GABRB1: variants seen among roughly 807,000 people sequenced by gnomAD.
The protein encoded by GABRB1 is gamma-aminobutyric acid type A receptor subunit beta1.
GABRB1 carries 17 observed loss-of-function variants against 51.6 expected under a neutral mutation model. The observed-to-expected ratio is 0.33, with a 90% CI of 0.23 to 0.49. The LOEUF is 0.49. Ranked by LOEUF, GABRB1 falls within the 20% of genes least tolerant of loss-of-function variation. The pLI is 0.99. For synonymous variants in GABRB1, 247 were observed against 218.9 expected (o/e 1.13, Z -1.14); for missense variants, 410 against 600.6 (o/e 0.68, Z 3.32).
intron 5 of GABRB1, among the ~76,000 whole-genome samples, chr4:47,383,038 A>G (rs1727648627): frequency 6.6e-6 from 1 of 152,236 alleles, no homozygotes. Context: ...GAATGAGTGC[A>G]GATAAGCTAT....
chr4:47,310,443 A>G (rs1471796401), intron 4 of GABRB1, among the ~76,000 whole-genome samples: 2 of 152,246 alleles, frequency 1.3e-5, no homozygotes, highest in Non-Finnish European at 2.9e-5. Context: ...AATGAATGTC[A>G]TAAATTACTG....
intron 3 of GABRB1, among the ~76,000 whole-genome samples, chr4:47,047,916 G>C (rs1442942842): frequency 6.6e-6 from 1 of 152,140 alleles, no homozygotes; most frequent in East Asian, 1.9e-4. Flanking sequence ...ACTGTAAGGA[G>C]TGAGAAGATG....
intron 5 of GABRB1, among the ~76,000 whole-genome samples, chr4:47,369,025 G>A (rs1000132808): frequency 4.6e-5 from 7 of 152,208 alleles, no homozygotes; most frequent in Non-Finnish European, 7.4e-5. Flanking sequence ...GGAGAATTGC[G>A]TGAACCCAGG....
At chr4:47,132,542 TCA>T (rs1158769233) in intron 3 of GABRB1, among the ~76,000 whole-genome samples, 1 of 152,190 alleles carries the variant, frequency 6.6e-6, no homozygotes, top group African/African-American at 2.4e-5. Context: ...CTGAGTCCAC[TCA>T]TTTATGTTCT....
rs1198064235 is a variant in GABRB1 at position 47,252,965 on chromosome 4, C to T, written c.462-67162C>T. 2.6e-5 allele frequency among the ~76,000 whole-genome samples: 4 copies of T among 152,096 alleles called. No individual in the cohort carries two copies. In the East Asian group the frequency reaches 7.7e-4, roughly 29 times the overall value. On this transcript the variant is annotated intron_variant, in intron 4 of 8. Transcript: ENST00000295454. ...AACTTTTTATAGTACTTACCACATA[C>T]AAGACACTGTTCTAAGCACTTTATA...
intron 5 of GABRB1, among the ~76,000 whole-genome samples, chr4:47,350,210 TATATATATAGAGAG>T (rs1218280694): frequency 4.3e-4 from 38 of 88,808 alleles, no homozygotes; most frequent in South Asian, 1.2e-3. Flanking sequence ...TATATATATA[TATATATATAGAGAG>T]AGAGAGAGAG....
intron 5 of GABRB1, among the ~76,000 whole-genome samples, chr4:47,385,446 A>G (rs1727758759): frequency 1.3e-5 from 2 of 152,242 alleles, no homozygotes; most frequent in Admixed American, 1.3e-4. Context: ...GATGTTTATT[A>G]CATGTATAGA....
intron 1 of GABRB1, among the ~76,000 whole-genome samples, chr4:46,996,626 C>G (rs1387270129): frequency 6.6e-6 from 1 of 152,134 alleles, no homozygotes; most frequent in Non-Finnish European, 1.5e-5. Flanking sequence ...AATATTAGAA[C>G]ATTTGACCAA....
chr4:47,059,700 A>C (rs1726767407), intron 3 of GABRB1, among the ~76,000 whole-genome samples: 1 of 152,208 alleles, frequency 6.6e-6, no homozygotes, highest in South Asian at 2.1e-4. Context: ...TCTGGTGGTC[A>C]AAGATGGGTT....
intron 4 of GABRB1, among the ~76,000 whole-genome samples, chr4:47,211,128 C>T (rs1228922565): frequency 6.6e-6 from 1 of 152,266 alleles, no homozygotes; most frequent in South Asian, 2.1e-4. Context: ...CCAGAACCCA[C>T]TTGCCTTTTT....
At chr4:47,077,201 A>G (rs1727594952) in intron 3 of GABRB1, among the ~76,000 whole-genome samples, 2 of 152,322 alleles carry the variant, frequency 1.3e-5, no homozygotes, top group East Asian at 3.9e-4. Flanking sequence ...AACTCAGTAT[A>G]TGTTACCATG....
intron 5 of GABRB1, among the ~76,000 whole-genome samples, chr4:47,364,277 G>A (rs1028083931): frequency 6.6e-6 from 1 of 152,114 alleles, no homozygotes; most frequent in Admixed American, 6.6e-5. Flanking sequence ...AAGGACAAAG[G>A]CCTCCAAACT....
At chr4:47,167,981 C>T (rs1718268161) in intron 4 of GABRB1, among the ~76,000 whole-genome samples, 1 of 152,126 alleles carries the variant, frequency 6.6e-6, no homozygotes, top group South Asian at 2.1e-4. Context: ...GAAAAGCCTT[C>T]CATTCCAATA....
chr4:47,277,169 C>T (rs1723114896), intron 4 of GABRB1, among the ~76,000 whole-genome samples: 1 of 152,052 alleles, frequency 6.6e-6, no homozygotes, highest in Non-Finnish European at 1.5e-5. Context: ...CAATGGAGTA[C>T]TATTCAGCCA....
At chr4:47,397,349 T>C (rs1189473984) in intron 5 of GABRB1, among the ~76,000 whole-genome samples, 1 of 152,220 alleles carries the variant, frequency 6.6e-6, no homozygotes, top group Non-Finnish European at 1.5e-5. Context: ...AAGTAATTTC[T>C]CAGCCAGCAT....
At chr4:47,191,405 C>T (rs1172680013) in intron 4 of GABRB1, among the ~76,000 whole-genome samples, 1 of 152,102 alleles carries the variant, frequency 6.6e-6, no homozygotes, top group Non-Finnish European at 1.5e-5. Context: ...TTACTTCACC[C>T]CCTAACTGTT....
chr4:47,220,399 T>A (rs1366979892), intron 4 of GABRB1, among the ~76,000 whole-genome samples: 1 of 151,988 alleles, frequency 6.6e-6, no homozygotes. Flanking sequence ...TTTGTACCTA[T>A]ATTCCTTATC....
intron 4 of GABRB1, among the ~76,000 whole-genome samples, chr4:47,199,958 C>A (rs180803197): frequency 6.6e-6 from 1 of 152,200 alleles, no homozygotes; most frequent in Admixed American, 6.5e-5. Flanking sequence ...CTACTTTTGG[C>A]CACCTGGATG....
intron 3 of GABRB1, among the ~76,000 whole-genome samples, chr4:47,080,130 C>A (rs1401413240): frequency 6.6e-6 from 1 of 152,004 alleles, no homozygotes; most frequent in African/African-American, 2.4e-5. Context: ...ATGTAAATAT[C>A]TCTAATATCA....
Sources: allele counts gnomAD v4.1 joint callset (sites outside exome capture counted in the v4.1 genomes callset), GRCh38; gene constraint gnomAD v4.1.1; transcripts MANE v1.5; gene names NCBI Gene and HGNC (gene_info 2026-07-23, HGNC 2026-07-21).